The following ODAD2 variants were observed in gnomAD, a reference collection of about 807,000 sequenced individuals.
ODAD2 encodes outer dynein arm docking complex subunit 2, also known as outer dynein arm-docking complex subunit 2.
Under a neutral mutation model 106.8 loss-of-function variants are expected in ODAD2, and 89 were observed. The ratio of observed to expected loss-of-function variants is 0.83; its 90% CI spans 0.70 to 0.99. The LOEUF (loss-of-function observed/expected upper bound fraction) is 0.99. ODAD2 is among the 50% of genes least tolerant of loss of function. ODAD2 has a pLI of 0.00. For missense variants in ODAD2, 1,168 were observed against 1,238.5 expected (o/e 0.94, Z 0.85); for synonymous variants, 404 against 436.2 (o/e 0.93, Z 0.92).
At chr10:27,836,196 A>G (rs1224489657) in intron 19 of ODAD2, 1 of 152,184 alleles carries the variant, frequency 6.6e-6, no homozygotes, top group Non-Finnish European at 1.5e-5. Flanking sequence ...AGTTGAATAC[A>G]TATGCATGTA....
chr10:27,993,823 G>A (rs1850373683), intron 2 of ODAD2, among the ~76,000 whole-genome samples: 1 of 152,112 alleles, frequency 6.6e-6, no homozygotes, highest in Non-Finnish European at 1.5e-5. Flanking sequence ...AAAGGGAAAA[G>A]GCATCTACAG....
At chr10:27,899,386 C>T (rs770558529) in intron 17 of ODAD2, among the ~76,000 whole-genome samples, 2 of 152,068 alleles carry the variant, frequency 1.3e-5, no homozygotes, top group Non-Finnish European at 2.9e-5. Context: ...AACTGGGGGG[C>T]CATTTCAGCA....
chr10:27,954,222 G>A (rs888684790), intron 10 of ODAD2, among the ~76,000 whole-genome samples: 1 of 152,048 alleles, frequency 6.6e-6, no homozygotes, highest in African/African-American at 2.4e-5. Context: ...GCACATTATC[G>A]AAACTGGGAA....
At chr10:27,967,166 A>G (rs1487760421) in intron 9 of ODAD2, among the ~76,000 whole-genome samples, 2 of 151,904 alleles carry the variant, frequency 1.3e-5, no homozygotes, top group African/African-American at 4.8e-5. Flanking sequence ...AAGACCACAC[A>G]TAACAGCGTG....
chr10:27,939,874 A>T, intron 14 of ODAD2, 23 bp downstream of exon 14: 2 of 1,471,864 alleles, frequency 1.4e-6, no homozygotes, highest in Non-Finnish European at 1.8e-6. Flanking sequence ...AACGCCAACA[A>T]CCGCTGGGAG....
At chr10:27,964,733 A>C (rs1848381063) in intron 9 of ODAD2, among the ~76,000 whole-genome samples, 1 of 152,120 alleles carries the variant, frequency 6.6e-6, no homozygotes, top group African/African-American at 2.4e-5. Context: ...ATTATTTTGT[A>C]GCTCAGTACC....
chr10:27,977,481 G>A (rs1032043179), intron 7 of ODAD2, among the ~76,000 whole-genome samples: 48 of 151,888 alleles, frequency 3.2e-4, no homozygotes, highest in Admixed American at 8.5e-4. Flanking sequence ...GCAGGAGAAC[G>A]TTGTGAACCC....
intron 16 of ODAD2, among the ~76,000 whole-genome samples, chr10:27,933,877 A>G (rs1209924472): frequency 6.6e-6 from 1 of 152,100 alleles, no homozygotes; most frequent in East Asian, 1.9e-4. Flanking sequence ...ATGCAAAAGG[A>G]GGTGTTAGTA....
At chr10:27,938,731 C>G (rs1846174643) in intron 14 of ODAD2, among the ~76,000 whole-genome samples, 1 of 151,954 alleles carries the variant, frequency 6.6e-6, no homozygotes, top group South Asian at 2.1e-4. Context: ...TCCTGAGCAA[C>G]TGGGATTACA....
At chr10:27,998,445 A>C (rs1305221390) in intron 1 of ODAD2, among the ~76,000 whole-genome samples, 3 of 151,970 alleles carry the variant, frequency 2.0e-5, no homozygotes, top group Admixed American at 6.6e-5. Context: ...AGCGGGAGGC[A>C]GAGCTGCAAA....
chr10:27,914,868 T>C (rs907538396), intron 16 of ODAD2, among the ~76,000 whole-genome samples: 96 of 152,042 alleles, frequency 6.3e-4, no homozygotes, highest in African/African-American at 2.2e-3. Flanking sequence ...CAGTAAAATA[T>C]ATCCAAACAG....
intron 19 of ODAD2, among the ~76,000 whole-genome samples, chr10:27,858,787 A>G (rs1839835901): frequency 6.8e-6 from 1 of 148,086 alleles, no homozygotes; most frequent in South Asian, 2.1e-4. Context: ...GAACCATTAC[A>G]TGTACACCTT....
At chr10:27,953,064 G>A (rs1847475301) in intron 10 of ODAD2, among the ~76,000 whole-genome samples, 1 of 152,104 alleles carries the variant, frequency 6.6e-6, no homozygotes, top group Non-Finnish European at 1.5e-5. Flanking sequence ...TTGGGTATAT[G>A]CATATAAATC....
chr10:27,839,663 G>A (rs1838167118), intron 19 of ODAD2, among the ~76,000 whole-genome samples: 1 of 152,112 alleles, frequency 6.6e-6, no homozygotes, highest in Non-Finnish European at 1.5e-5. Flanking sequence ...CCAGAAAAAC[G>A]CTGTGGTTTA....
At chr10:27,940,855 T>G in intron 12 of ODAD2, 50 bp from the exon 13 acceptor site, 2 of 1,575,180 alleles carry the variant, frequency 1.3e-6, no homozygotes, top group Non-Finnish European at 1.7e-6. Context: ...AAAAGAACAT[T>G]TAAGGCATTC....
At chr10:27,853,751 G>T (rs764472845) in intron 19 of ODAD2, among the ~76,000 whole-genome samples, 127 of 152,102 alleles carry the variant, frequency 8.3e-4, no homozygotes, top group Non-Finnish European at 1.2e-3. Context: ...TCATAAAAAA[G>T]TTTACTCGAA....
intron 16 of ODAD2, among the ~76,000 whole-genome samples, chr10:27,932,191 C>A (rs1370581930): frequency 6.6e-6 from 1 of 152,124 alleles, no homozygotes; most frequent in Non-Finnish European, 1.5e-5. Context: ...CTGCCTCTGC[C>A]TCCCAAAGTA....
rs919472077 is a variant in ODAD2, at chr10:27,970,991, TAAATAAATAAATAAATAAAC to T, written c.1142+97_1142+116del. 4.6e-5 allele frequency: 17 copies of T among 373,304 alleles called. 1 individual carries two copies. The highest frequency in any genetic ancestry group is 4.5e-4 in the East Asian group (8 of 17,792). 23.1% of individuals were successfully genotyped at this position (373,304 alleles called of 1,614,324 possible). A position where few individuals can be genotyped will look rare whatever the true frequency, so the allele number is the denominator to read the frequency against. ...CATCTTAAATAAATAAATAAATAAA[TAAATAAATAAATAAATAAAC>T]AAACAAACAAAATAAAATAAAATAA... On this transcript the variant is annotated intron_variant, in intron 8 of 19. Coordinates refer to ENST00000305242, the MANE Select transcript of ODAD2 (RefSeq NM_018076.5).
At chr10:27,889,811 T>G (rs773613573) in intron 17 of ODAD2, among the ~76,000 whole-genome samples, 7 of 152,166 alleles carry the variant, frequency 4.6e-5, no homozygotes, top group Non-Finnish European at 8.8e-5. Context: ...TTGAGATTGG[T>G]GATCTCATGT....
Sources: gnomAD v4.1 joint callset for allele counts (sites outside exome capture counted in the v4.1 genomes callset) on GRCh38, gnomAD v4.1.1 for gene constraint, MANE v1.5 for transcripts, NCBI Gene and HGNC (gene_info 2026-07-23, HGNC 2026-07-21) for gene names.